The following HAUS2 variants were observed in gnomAD, a reference collection of about 807,000 sequenced individuals.
The protein encoded by HAUS2 is HAUS augmin-like complex subunit 2.
HAUS2 carries 20 observed loss-of-function variants against 21.6 expected under a neutral mutation model. That is an observed-to-expected ratio of 0.93 (90% CI 0.65 to 1.35). The LOEUF is 1.35. Ranked by LOEUF, HAUS2 falls within the 40% of genes most tolerant of loss-of-function variation. HAUS2 has a pLI of 0.00. For missense variants in HAUS2, 297 were observed against 280.7 expected (o/e 1.06, Z -0.42); for synonymous variants, 113 against 95.6 (o/e 1.18, Z -1.06).
At position 42,563,644 on chromosome 15, in the gene HAUS2, A is replaced by T. The variant is rs530685928; in HGVS notation, c.390-105A>T. ...AGGTTGTTATTGGCTCTCTAGGTTG[A>T]TTGTAATTCTTATCTCAAATTAAAA... On this transcript the variant is annotated intron_variant, in intron 4 of 5. Transcript: ENST00000260372. 8.6e-5 allele frequency: 62 copies of T among 716,794 alleles called. 1 individual carries two copies. The South Asian group carries it at 9.3e-4, about 11-fold the overall frequency. The allele number at this position is 716,794 out of a possible 1,614,324, so 44.4% of individuals were successfully genotyped here.
intron 5 of HAUS2, 151 bp downstream of exon 5, chr15:42,564,008 G>A (rs1488836783): frequency 3.5e-6 from 2 of 571,510 alleles, no homozygotes; most frequent in African/African-American, 3.9e-5. Flanking sequence ...GTTCACACCT[G>A]TAATCCCTGC....
At chr15:42,559,504 C>G (rs2057827097) in intron 3 of HAUS2, 96 bp downstream of exon 3, 1 of 734,160 alleles carries the variant, frequency 1.4e-6, no homozygotes. Flanking sequence ...GATACACCAT[C>G]ATTTTTCCAG....
Position 42,561,350 on chromosome 15 carries a change from C to A in HAUS2, c.337C>A (p.Leu113Met). The change falls in exon 4 of 6, where the codon CTG becomes ATG. Residue 113 changes from leucine (L) to methionine (M), a missense_variant. Coordinates refer to ENST00000260372, the MANE Select transcript of HAUS2 (RefSeq NM_018097.3). The part of the protein sequence containing the change: ...LKEKRSLRQR[L>M]LKPMCQENLP... ...AGAGAAGAGATCCCTTAGGCAAAGA[C>A]TGTTGAAACCCATGTGCCAGGAAAA... The A allele has an allele frequency of 1.9e-6, 3 of 1,591,508 alleles. No homozygotes were observed. Among genetic ancestry groups the A allele is most frequent in the Non-Finnish European group, 2.6e-6 (3 of 1,159,390 alleles).
intron 4 of HAUS2, among the ~76,000 whole-genome samples, chr15:42,562,937 A>G (rs1418045563): frequency 6.6e-6 from 1 of 151,964 alleles, no homozygotes; most frequent in African/African-American, 2.4e-5. Flanking sequence ...ACATGACAAA[A>G]CCCTGTGTCT....
rs1217134780 is a variant in HAUS2, at chr15:42,569,446, A to G, written c.*2630A>G. 6.6e-6 allele frequency: 1 copy of G among 152,010 alleles called. No individual in the cohort carries two copies. The highest frequency in any genetic ancestry group is 1.9e-4 in the East Asian group (1 of 5,190). 9.4% of individuals were successfully genotyped at this position (152,010 alleles called of 1,614,324 possible). ...CTCAGCCTCCCAAGTAGCTGGGACT[A>G]TAGGCACGCGCCACCACGCCTGGCT... On this transcript the variant is annotated 3_prime_UTR_variant, in exon 6 of 6. Coordinates refer to ENST00000260372, the MANE Select transcript of HAUS2 (RefSeq NM_018097.3).
At chr15:42,560,821 T>A (rs1379351991) in intron 3 of HAUS2, 10 of 702,268 alleles carry the variant, frequency 1.4e-5, no homozygotes, top group Middle Eastern at 2.3e-4. Flanking sequence ...GGTCTCGAAC[T>A]CATGGCCTCA....
At chr15:42,561,664 A>C (rs547684858) in intron 4 of HAUS2, 1 of 328,830 alleles carries the variant, frequency 3.0e-6, no homozygotes, top group Non-Finnish European at 5.6e-6. Context: ...ACATGTAACA[A>C]TAAAAACTGT....
intron 1 of HAUS2, among the ~76,000 whole-genome samples, chr15:42,556,131 T>TC (rs1172639026): frequency 3.6e-4 from 54 of 150,668 alleles, no homozygotes; most frequent in Non-Finnish European, 5.5e-4. Context: ...AATTTTTTTT[T>TC]TTTTTTTTTG....
At chr15:42,550,371 A>T (rs2057712114) in intron 1 of HAUS2, among the ~76,000 whole-genome samples, 1 of 151,644 alleles carries the variant, frequency 6.6e-6, no homozygotes, top group South Asian at 2.1e-4. Flanking sequence ...GCCATTAGAG[A>T]CTCTAATACC....
intron 5 of HAUS2, among the ~76,000 whole-genome samples, chr15:42,564,771 G>A (rs945461295): frequency 2.0e-5 from 3 of 152,350 alleles, no homozygotes; most frequent in Admixed American, 6.5e-5. Flanking sequence ...TCACAGGCAT[G>A]AGCCACCATG....
chr15:42,558,310 C>CTT lies in HAUS2; in HGVS notation c.186+22_186+23dup. The stretch of plus-strand genomic sequence containing the variant: ...TACCAGGTAAATCATTTTGTTTTCA[C>CTT]TTTCTTTTTTTTTTTTTTTTTTTTT... On this transcript the variant is annotated intron_variant, in intron 2 of 5. Transcript: ENST00000260372. 3.4e-5 allele frequency: 20 copies of CTT among 590,048 alleles called. No homozygotes were observed. Among genetic ancestry groups the CTT allele is most frequent in the Admixed American group, 1.4e-4 (4 of 28,848 alleles). 36.6% of individuals were successfully genotyped at this position (590,048 alleles called of 1,614,324 possible). A position where few individuals can be genotyped will look rare whatever the true frequency, so the allele number is the denominator to read the frequency against.
Position 42,558,209 on chromosome 15 carries a change from C to A in HAUS2, c.105C>A (p.Asn35Lys). The change falls in exon 2 of 6, where the codon AAC becomes AAA. Residue 35 changes from asparagine (N) to lysine (K), a missense_variant. Physicochemically the swap from Asn to Lys is moderately conservative, Grantham distance 94. Coordinates refer to ENST00000260372, the MANE Select transcript of HAUS2 (RefSeq NM_018097.3). ...ASGMVNQEML[N>K]MSKKTVSCFV... ...TCATTTACCAATAGGAGATGTTAAACATGTCTAAGAAAACAGTTTCTTGTT... is the reference window on the plus strand; with the variant it reads ...TCATTTACCAATAGGAGATGTTAAAAATGTCTAAGAAAACAGTTTCTTGTT... The A allele has an allele frequency of 7.0e-7, 1 of 1,435,520 alleles. No homozygotes were observed. Among genetic ancestry groups the A allele is most frequent in the South Asian group, 1.2e-5 (1 of 84,010 alleles). The allele number at this position is 1,435,520 out of a possible 1,614,324, so 88.9% of individuals were successfully genotyped here.
chr15:42,566,580 T>C (rs936257251), intron 5 of HAUS2, 27 bp from the exon 6 acceptor site: 11 of 1,216,738 alleles, frequency 9.0e-6, no homozygotes, highest in Non-Finnish European at 1.3e-5. Context: ...ACATAATTTC[T>C]CCTGTTTCCC....
At chr15:42,563,981 C>T (rs2057879682) in intron 5 of HAUS2, 124 bp downstream of exon 5, 1 of 630,938 alleles carries the variant, frequency 1.6e-6, no homozygotes, top group South Asian at 1.7e-5. Context: ...GAAGTATTTT[C>T]TTGGCCTGGC....
At chr15:42,566,518 C>A in intron 5 of HAUS2, 89 bp from the exon 6 acceptor site, 1 of 750,158 alleles carries the variant, frequency 1.3e-6, no homozygotes, top group Non-Finnish European at 2.3e-6. Flanking sequence ...GGAAAAAGAT[C>A]ATGTGTTAAC....
rs1443613325 is a variant in HAUS2 at position 42,548,907 on chromosome 15, C to G, written c.35C>G (p.Ala12Gly). 1 of 1,551,016 alleles carries G rather than the reference C, an allele frequency of 6.4e-7. No homozygotes were observed. The highest frequency in any genetic ancestry group is 2.0e-5 in the Admixed American group (1 of 50,978). The change falls in exon 1 of 6, where the codon GCG becomes GGG. Residue 12 changes from alanine to glycine, a missense_variant. Physicochemically the swap from Ala to Gly is moderately conservative, Grantham distance 60 (BLOSUM62 0). Coordinates refer to ENST00000260372, the MANE Select transcript of HAUS2 (RefSeq NM_018097.3). ...GCCAACCCGTGGGACCCGGCGTCCG[C>G]GCCTAACGGCGCTGGGCTAGTGCTA... ...AAANPWDPAS[A>G]PNGAGLVLGH...
intron 5 of HAUS2, among the ~76,000 whole-genome samples, chr15:42,565,387 ATGTGTGTGTGTG>A (rs139933934): frequency 0.051 from 6,897 of 136,456 alleles, 536 homozygotes; most frequent in African/African-American, 0.17. Flanking sequence ...GAGCCATTGA[ATGTGTGTGTGTG>A]TGTGTGTGTG....
intron 5 of HAUS2, among the ~76,000 whole-genome samples, chr15:42,566,286 T>C (rs1227341911): frequency 6.6e-6 from 1 of 152,170 alleles, no homozygotes; most frequent in Non-Finnish European, 1.5e-5. Flanking sequence ...GAACTGTAGT[T>C]AGACTGAGTT....
chr15:42,564,960 C>G (rs1595556887), intron 5 of HAUS2, among the ~76,000 whole-genome samples: 1 of 152,172 alleles, frequency 6.6e-6, no homozygotes, highest in South Asian at 2.1e-4. Context: ...CTCAGCCTCC[C>G]AAGTAGCTGG....
Sources: allele counts gnomAD v4.1 joint callset (sites outside exome capture counted in the v4.1 genomes callset), GRCh38; gene constraint gnomAD v4.1.1; transcripts MANE v1.5; gene names NCBI Gene and HGNC (gene_info 2026-07-23, HGNC 2026-07-21).